Variants in SF3B3 observed in about 807,000 individuals in gnomAD.
SF3B3 encodes the protein splicing factor 3b subunit 3, also known as SAP 130.
In SF3B3, 33 loss-of-function variants were observed where a neutral mutation model predicts 139.2. That is an observed-to-expected ratio of 0.24 (90% CI 0.18 to 0.32). The LOEUF (loss-of-function observed/expected upper bound fraction) is 0.32, where lower values mean the gene tolerates loss of function less well. Among genes scored for constraint, SF3B3 ranks in the 10% least tolerant of loss-of-function variants. SF3B3 has a pLI of 1.00. For synonymous variants in SF3B3, 596 were observed against 563.6 expected, an observed-to-expected ratio of 1.06 and a Z score of -0.81; for missense variants, 818 against 1,509.4, an observed-to-expected ratio of 0.54 and a Z score of 7.59.
intron 17 of SF3B3, among the ~76,000 whole-genome samples, chr16:70,563,334 A>G (rs191447813): frequency 2.9e-4 from 44 of 152,270 alleles, no homozygotes; most frequent in Middle Eastern, 3.4e-3. Context: ...TCGGGTAACT[A>G]TACTTTTCAG....
chr16:70,544,196 C>T (rs1332657663), intron 9 of SF3B3, among the ~76,000 whole-genome samples: 1 of 152,122 alleles, frequency 6.6e-6, no homozygotes, highest in Non-Finnish European at 1.5e-5. Context: ...TGTATACCCT[C>T]AGTACTCACA....
chr16:70,563,094 A>G (rs867616176), intron 17 of SF3B3, among the ~76,000 whole-genome samples: 59 of 152,088 alleles, frequency 3.9e-4, no homozygotes, highest in African/African-American at 1.3e-3. Context: ...CAGCCTCCCA[A>G]GTAGCTGGGA....
intron 3 of SF3B3, among the ~76,000 whole-genome samples, chr16:70,530,172 A>G (rs988636569): frequency 2.8e-5 from 4 of 143,268 alleles, no homozygotes; most frequent in Non-Finnish European, 4.6e-5. Context: ...ATAAATAAAT[A>G]AGAGAGAGAT....
rs2151770184 is a variant in SF3B3 at position 70,523,871 on chromosome 16, T to G, written c.-128T>G. 1 of 495,054 alleles carries G rather than the reference T, an allele frequency of 2.0e-6. No homozygotes were observed. Among genetic ancestry groups the G allele is most frequent in the South Asian group, 3.5e-5 (1 of 28,234 alleles). 30.7% of individuals were successfully genotyped at this position (495,054 alleles called of 1,614,324 possible). ...CAGTATGTTGGAGTTGGTGGTGGCT[T>G]AAGTTTTGAAGGGAGGTAGCATCCG... is the stretch of plus-strand genomic sequence containing the variant. On this transcript the variant is annotated 5_prime_UTR_variant, in exon 1 of 26. The change abolishes the stop of an existing upstream ORF in the 5' untranslated region. Coordinates refer to ENST00000302516, the MANE Select transcript of SF3B3 (RefSeq NM_012426.5).
chr16:70,560,915 C>G (rs143476703), intron 16 of SF3B3, among the ~76,000 whole-genome samples: 1 of 152,174 alleles, frequency 6.6e-6, no homozygotes, highest in Non-Finnish European at 1.5e-5. Context: ...ATCAGTGTCA[C>G]GTTTACTACC....
intron 5 of SF3B3, among the ~76,000 whole-genome samples, chr16:70,534,378 G>C (rs1473604662): frequency 6.6e-6 from 1 of 152,194 alleles, no homozygotes; most frequent in Non-Finnish European, 1.5e-5. Context: ...TAATCTGATA[G>C]GTTGACAACC....
At chr16:70,554,082 G>A (rs2050357038) in intron 11 of SF3B3, 1 of 162,890 alleles carries the variant, frequency 6.1e-6, no homozygotes, top group Non-Finnish European at 1.3e-5. Context: ...CTCTTCTTAG[G>A]AAGGGGTTGT....
intron 4 of SF3B3, 70 bp downstream of exon 4, chr16:70,530,987 G>T: frequency 1.4e-6 from 2 of 1,441,988 alleles, no homozygotes; most frequent in South Asian, 1.3e-5. Flanking sequence ...TTGTTTTCCG[G>T]CCGGGCGTGG....
At chr16:70,552,980 GGCTCACTGCGGCCTCC>G (rs1164265029) in intron 11 of SF3B3, among the ~76,000 whole-genome samples, 1 of 152,092 alleles carries the variant, frequency 6.6e-6, no homozygotes, top group Non-Finnish European at 1.5e-5. Context: ...GGGCGATCTC[GGCTCACTGCGGCCTCC>G]GCCTCCCGGG....
rs762822076 is a variant in SF3B3 at position 70,535,436 on chromosome 16, T to G, written c.825+16T>G. The G allele has an allele frequency of 2.2e-6, 3 of 1,391,054 alleles. No homozygotes were observed. The highest frequency in any genetic ancestry group is 1.4e-5 in the African/African-American group (1 of 70,216). 86.2% of individuals were successfully genotyped at this position (1,391,054 alleles called of 1,614,324 possible). On this transcript the variant is annotated intron_variant, in intron 6 of 25. Coordinates refer to ENST00000302516, the MANE Select transcript of SF3B3 (RefSeq NM_012426.5). ...CAGGAGGCGGGTAAGATCTTTGATATAAGAAGAGAGAGATTTGTGTTTAAT... is the reference window on the plus strand; with the variant it reads ...CAGGAGGCGGGTAAGATCTTTGATAGAAGAAGAGAGAGATTTGTGTTTAAT...
chr16:70,538,039 GTCTCT>G (rs1359264752), intron 6 of SF3B3: 1 of 606,984 alleles, frequency 1.6e-6, no homozygotes. Context: ...AAAATTTCAT[GTCTCT>G]TCTCTGACAT....
chr16:70,529,189 C>T lies in SF3B3; in HGVS notation c.387C>T (p.Ala129=), dbSNP rs757167771. 1.1e-5 allele frequency: 18 copies of T among 1,612,420 alleles called. No individual in the cohort carries two copies. The East Asian group carries it at 1.3e-4, about 12-fold the overall frequency. The change falls in exon 3 of 26, where the codon GCC becomes GCT. Residue 129 remains alanine (A), a synonymous_variant. Coordinates refer to ENST00000302516, the MANE Select transcript of SF3B3 (RefSeq NM_012426.5). ...TAGCTGTGGATCCCAAAGGGCGAGC[C>T]GTTATGATTAGTAAGTGATTTACTC... ...QFLAVDPKGR[A]VMISAIEKQK... is the part of the protein sequence containing the mutation.
intron 24 of SF3B3, 101 bp from the exon 25 acceptor site, chr16:70,570,994 G>A (rs1056801039): frequency 3.2e-5 from 25 of 792,966 alleles, no homozygotes; most frequent in Non-Finnish European, 5.2e-5. Flanking sequence ...CCGTGTGTTT[G>A]TGTAGTAAAA....
At chr16:70,568,960 A>G (rs1298655723) in intron 22 of SF3B3, 83 bp from the exon 23 acceptor site, 5 of 966,098 alleles carry the variant, frequency 5.2e-6, no homozygotes, top group African/African-American at 1.6e-5. Flanking sequence ...CTGACTTGCA[A>G]AGACCTGGCC....
At chr16:70,544,717 G>T (rs936913980) in intron 10 of SF3B3, among the ~76,000 whole-genome samples, 184 bp downstream of exon 10, 3 of 152,194 alleles carry the variant, frequency 2.0e-5, no homozygotes, top group African/African-American at 7.2e-5. Flanking sequence ...CCAAAACAGG[G>T]TCTCACTGTG....
intron 24 of SF3B3, among the ~76,000 whole-genome samples, 184 bp downstream of exon 24, chr16:70,570,333 G>GTTT (rs71151192): frequency 0.24 from 29,510 of 121,430 alleles, 4,624 homozygotes; most frequent in East Asian, 0.55. Flanking sequence ...AGGCCATTTG[G>GTTT]TTTTTTTTTT....
chr16:70,567,070 C>CA, intron 20 of SF3B3, among the ~76,000 whole-genome samples: 1 of 150,880 alleles, frequency 6.6e-6, no homozygotes, highest in Non-Finnish European at 1.5e-5. Context: ...AAAAAAAAGT[C>CA]ACTTTTCACT....
At chr16:70,566,614 A>G (rs2050479493) in intron 20 of SF3B3, among the ~76,000 whole-genome samples, 1 of 152,234 alleles carries the variant, frequency 6.6e-6, no homozygotes, top group African/African-American at 2.4e-5. Flanking sequence ...CTATTTTACC[A>G]TAATTTTTAA....
intron 25 of SF3B3, 70 bp from the exon 26 acceptor site, chr16:70,571,603 T>C: frequency 1.1e-5 from 16 of 1,511,466 alleles, no homozygotes; most frequent in Non-Finnish European, 1.4e-5. Context: ...CTACAAGTGC[T>C]GCTTTAGCAT....
Sources: gnomAD v4.1 joint callset for allele counts (sites outside exome capture counted in the v4.1 genomes callset) on GRCh38, gnomAD v4.1.1 for gene constraint, MANE v1.5 for transcripts, NCBI Gene and HGNC (gene_info 2026-07-23, HGNC 2026-07-21) for gene names.